Variants in UST observed in about 807,000 individuals in gnomAD.
UST encodes uronyl 2-sulfotransferase.
In UST, 21 loss-of-function variants were observed where a neutral mutation model predicts 45.6. The ratio of observed to expected loss-of-function variants is 0.46; its 90% confidence interval spans 0.33 to 0.66. UST has a LOEUF of 0.66. UST is among the 30% of genes least tolerant of loss of function. The pLI is 0.02. For missense variants in UST, 463 were observed against 512.4 expected (o/e 0.90, Z 0.93); for synonymous variants, 215 against 200.6 (o/e 1.07, Z -0.61).
intron 3 of UST, among the ~76,000 whole-genome samples, chr6:148,952,970 T>C (rs1780396118): frequency 6.6e-6 from 1 of 152,224 alleles, no homozygotes; most frequent in Non-Finnish European, 1.5e-5. Context: ...CAGAAGGCCA[T>C]AAAAGTTAGT....
At chr6:148,780,661 C>T (rs1650182732) in intron 1 of UST, among the ~76,000 whole-genome samples, 1 of 152,154 alleles carries the variant, frequency 6.6e-6, no homozygotes, top group Admixed American at 6.5e-5. Context: ...TATATATGTA[C>T]CACATTTTCT....
chr6:149,052,497 A>G (rs1317838920), intron 7 of UST, among the ~76,000 whole-genome samples: 1 of 152,186 alleles, frequency 6.6e-6, no homozygotes, highest in Non-Finnish European at 1.5e-5. Flanking sequence ...TAACGCTTCT[A>G]TGTTACTGAG....
At chr6:148,770,702 C>T (rs1205800829) in intron 1 of UST, among the ~76,000 whole-genome samples, 2 of 152,152 alleles carry the variant, frequency 1.3e-5, no homozygotes, top group African/African-American at 2.4e-5. Flanking sequence ...TTTGTTGTCA[C>T]GTGCACCTCT....
At chr6:149,038,259 A>G (rs1469090172) in intron 7 of UST, among the ~76,000 whole-genome samples, 1 of 151,246 alleles carries the variant, frequency 6.6e-6, no homozygotes, top group Non-Finnish European at 1.5e-5. Context: ...TTGAAGTCCT[A>G]ATCCCCTATA....
intron 1 of UST, among the ~76,000 whole-genome samples, chr6:148,759,551 A>G (rs1776166231): frequency 6.8e-6 from 1 of 146,464 alleles, no homozygotes. Flanking sequence ...AATAAAAATA[A>G]AAAAATAAAA....
At chr6:148,981,291 G>A (rs954412094) in intron 5 of UST, among the ~76,000 whole-genome samples, 1 of 152,204 alleles carries the variant, frequency 6.6e-6, no homozygotes, top group African/African-American at 2.4e-5. Context: ...CTGATGCTCA[G>A]AGAGGTTAAG....
intron 5 of UST, among the ~76,000 whole-genome samples, chr6:149,012,804 TAAAAAAA>T (rs763495869): frequency 3.8e-5 from 4 of 104,156 alleles, no homozygotes; most frequent in South Asian, 2.9e-4. Flanking sequence ...AGTCACTATT[TAAAAAAA>T]AAAAAAAAAA....
intron 5 of UST, chr6:148,990,292 A>G (rs1009031753): frequency 1.6e-6 from 1 of 636,144 alleles, no homozygotes; most frequent in African/African-American, 2.0e-5. Context: ...AATAAACAGG[A>G]ACTGGTTTTA....
intron 1 of UST, among the ~76,000 whole-genome samples, chr6:148,802,576 C>G (rs902973247): frequency 6.6e-6 from 1 of 152,212 alleles, no homozygotes; most frequent in Non-Finnish European, 1.5e-5. Context: ...CATTTTCTCT[C>G]TCTCTCATGC....
At chr6:148,938,881 T>C (rs62426128) in intron 2 of UST, among the ~76,000 whole-genome samples, 19,952 of 151,528 alleles carry the variant, frequency 0.13, 1,608 homozygotes, top group South Asian at 0.18. Flanking sequence ...CACTAGGCAA[T>C]TAGAAAGGAA....
chr6:148,961,306 C>T (rs868468870), intron 4 of UST, among the ~76,000 whole-genome samples: 3 of 152,042 alleles, frequency 2.0e-5, no homozygotes, highest in African/African-American at 7.2e-5. Context: ...GACTGAAGGA[C>T]AAAAGGGTAT....
intron 7 of UST, among the ~76,000 whole-genome samples, chr6:149,049,315 A>G (rs576092011): frequency 2.6e-5 from 4 of 152,370 alleles, no homozygotes; most frequent in South Asian, 2.1e-4. Context: ...GTTAAATGAC[A>G]TAGCTGATTG....
intron 2 of UST, among the ~76,000 whole-genome samples, chr6:148,897,970 T>TTC (rs1779168774): frequency 1.3e-5 from 2 of 152,304 alleles, no homozygotes; most frequent in South Asian, 4.1e-4. Context: ...GAATATATTG[T>TTC]TCTCTGTTTC....
chr6:148,788,135 G>A (rs1451712871), intron 1 of UST, among the ~76,000 whole-genome samples: 1 of 152,162 alleles, frequency 6.6e-6, no homozygotes, highest in Non-Finnish European at 1.5e-5. Flanking sequence ...GAGAATGAGA[G>A]CCAAGCGAAA....
chr6:148,751,745 T>C (rs1775996106), intron 1 of UST, among the ~76,000 whole-genome samples: 1 of 152,194 alleles, frequency 6.6e-6, no homozygotes, highest in Non-Finnish European at 1.5e-5. Context: ...GAATTTTTTT[T>C]TTTTGAAATG....
intron 3 of UST, among the ~76,000 whole-genome samples, chr6:148,949,163 C>T (rs1379357979): frequency 7.9e-5 from 12 of 151,896 alleles, no homozygotes; most frequent in Middle Eastern, 3.4e-3. Flanking sequence ...TGGTGGCAGG[C>T]GCCTATAATC....
At chr6:148,815,582 G>A (rs1411071743) in intron 1 of UST, among the ~76,000 whole-genome samples, 1 of 151,908 alleles carries the variant, frequency 6.6e-6, no homozygotes, top group Non-Finnish European at 1.5e-5. Flanking sequence ...ATACCACATG[G>A]AAAAATCACC....
chr6:148,917,201 T>C (rs1779607920), intron 2 of UST, among the ~76,000 whole-genome samples: 1 of 151,442 alleles, frequency 6.6e-6, no homozygotes, highest in South Asian at 2.1e-4. Flanking sequence ...TTCTTCCCCC[T>C]CAGCCATTTG....
intron 1 of UST, among the ~76,000 whole-genome samples, chr6:148,868,897 C>T (rs1016492524): frequency 2.6e-5 from 4 of 152,124 alleles, no homozygotes; most frequent in East Asian, 1.9e-4. Flanking sequence ...TAAATATAAT[C>T]GTAAGAGTTA....
Sources: allele counts gnomAD v4.1 joint callset (sites outside exome capture counted in the v4.1 genomes callset), GRCh38; gene constraint gnomAD v4.1.1; transcripts MANE v1.5; gene names NCBI Gene and HGNC (gene_info 2026-07-23, HGNC 2026-07-21).